The following TTLL5 variants were observed in gnomAD, a reference collection of about 807,000 sequenced individuals.
TTLL5 encodes tubulin polyglutamylase TTLL5.
A neutral mutation model predicts 168.4 loss-of-function variants in TTLL5; 132 were observed. The observed-to-expected ratio is 0.78, with a 90% CI of 0.68 to 0.91. The LOEUF (loss-of-function observed/expected upper bound fraction) is 0.91, where lower values mean the gene tolerates loss of function less well. Ranked by LOEUF, TTLL5 falls within the 40% of genes least tolerant of loss-of-function variation. The pLI, the probability that TTLL5 is intolerant of heterozygous loss-of-function variation, is 0.00. For synonymous variants in TTLL5, 546 were observed against 558.6 expected (o/e 0.98, Z 0.32); for missense variants, 1,545 against 1,581.5 (o/e 0.98, Z 0.39).
At chr14:75,676,297 C>A (rs1884150131) in intron 3 of TTLL5, among the ~76,000 whole-genome samples, 1 of 152,176 alleles carries the variant, frequency 6.6e-6, no homozygotes, top group African/African-American at 2.4e-5. Flanking sequence ...ACCATCATTA[C>A]CAGGTTTCTT....
At chr14:75,724,344 G>C (rs1430395880) in intron 12 of TTLL5, among the ~76,000 whole-genome samples, 1 of 152,126 alleles carries the variant, frequency 6.6e-6, no homozygotes, top group African/African-American at 2.4e-5. Flanking sequence ...GCAAGTCATA[G>C]GTTAGCCTTT....
intron 29 of TTLL5, among the ~76,000 whole-genome samples, chr14:75,880,446 C>T (rs957124153): frequency 5.3e-5 from 8 of 152,168 alleles, no homozygotes; most frequent in Non-Finnish European, 1.0e-4. Context: ...TAACTAACAA[C>T]ATTTTATCCC....
At chr14:75,782,382 C>A in intron 24 of TTLL5, 105 bp from the exon 25 acceptor site, 3 of 860,504 alleles carry the variant, frequency 3.5e-6, no homozygotes, top group Non-Finnish European at 3.5e-6. Context: ...TGTTTCCCAG[C>A]ATTGATTAGC....
intron 1 of TTLL5, chr14:75,661,696 A>G (rs1011871403): frequency 6.6e-6 from 1 of 152,266 alleles, no homozygotes; most frequent in Non-Finnish European, 1.5e-5. Flanking sequence ...CAGGCAGCCT[A>G]GGAGAGGTTG....
chr14:75,754,167 A>C (rs956844872), intron 18 of TTLL5, among the ~76,000 whole-genome samples: 4 of 152,058 alleles, frequency 2.6e-5, no homozygotes, highest in Admixed American at 6.6e-5. Flanking sequence ...TGTTTAATTA[A>C]GTTTTTTATT....
intron 29 of TTLL5, among the ~76,000 whole-genome samples, chr14:75,869,529 G>T (rs931075265): frequency 1.3e-5 from 2 of 152,124 alleles, no homozygotes; most frequent in Non-Finnish European, 2.9e-5. Flanking sequence ...CATATGTCAA[G>T]CACCAAAGTG....
intron 29 of TTLL5, among the ~76,000 whole-genome samples, chr14:75,881,043 C>T (rs1222595403): frequency 1.3e-5 from 2 of 152,112 alleles, no homozygotes; most frequent in African/African-American, 2.4e-5. Flanking sequence ...CCTCTTGGGT[C>T]GCTGGGACTA....
At position 75,707,169 on chromosome 14, in the gene TTLL5, G is replaced by A. The variant is rs972983066; in HGVS notation, c.655+82G>A. On this transcript the variant is annotated intron_variant, in intron 8 of 31. Coordinates refer to ENST00000298832, the MANE Select transcript of TTLL5 (RefSeq NM_015072.5). ...AGCTTTTCATAGCCTTCTCTAGTAA[G>A]TCTTTATTATACTGTTGTGAAATTC... 5.5e-6 allele frequency: 6 copies of A among 1,087,942 alleles called. No homozygotes were observed. The African/African-American group carries it at 7.8e-5, about 14-fold the overall frequency. 67.4% of individuals were successfully genotyped at this position (1,087,942 alleles called of 1,614,324 possible).
chr14:75,851,490 G>A lies in TTLL5; in HGVS notation c.3327-12177G>A, dbSNP rs531801313. 2.4e-4 allele frequency among the ~76,000 whole-genome samples: 36 copies of A among 152,258 alleles called. No individual in the cohort carries two copies. In the South Asian group the frequency reaches 6.0e-3, roughly 25 times the overall value. On this transcript the variant is annotated intron_variant, in intron 28 of 31. Transcript: ENST00000298832. Reference sequence around the variant, plus strand: ...GAAGATTTGGTAATCTTTCTCATTCGTCAGTGCTCACATCCAGTGCCTGAA... The same window carrying A: ...GAAGATTTGGTAATCTTTCTCATTCATCAGTGCTCACATCCAGTGCCTGAA...
intron 29 of TTLL5, among the ~76,000 whole-genome samples, chr14:75,882,025 A>G (rs2031842382): frequency 6.6e-6 from 1 of 152,182 alleles, no homozygotes. Context: ...TGTAACTAGC[A>G]TTTGTATAGT....
At chr14:75,937,081 G>A (rs191814237) in intron 31 of TTLL5, among the ~76,000 whole-genome samples, 3 of 151,512 alleles carry the variant, frequency 2.0e-5, no homozygotes, top group Admixed American at 6.6e-5. Flanking sequence ...AAAATGTGCT[G>A]TTTCAACCAT....
chr14:75,719,051 C>T (rs1230677343), intron 10 of TTLL5, among the ~76,000 whole-genome samples: 1 of 152,176 alleles, frequency 6.6e-6, no homozygotes, highest in African/African-American at 2.4e-5. Flanking sequence ...AGTGAGGGGA[C>T]AGCTGCAAAA....
chr14:75,668,821 TTA>T (rs1320428178), intron 2 of TTLL5, among the ~76,000 whole-genome samples: 1 of 152,196 alleles, frequency 6.6e-6, no homozygotes, highest in Non-Finnish European at 1.5e-5. Flanking sequence ...TTAGGATTCT[TTA>T]TGTGTGCAAA....
chr14:75,761,083 C>T (rs995476026), intron 18 of TTLL5, among the ~76,000 whole-genome samples: 5 of 152,186 alleles, frequency 3.3e-5, no homozygotes, highest in Admixed American at 1.3e-4. Context: ...AATATTTGAA[C>T]AGACACTTCA....
intron 28 of TTLL5, among the ~76,000 whole-genome samples, chr14:75,842,322 A>G (rs1023931759): frequency 9.2e-5 from 14 of 152,162 alleles, no homozygotes; most frequent in African/African-American, 3.4e-4. Context: ...ACTGATGATG[A>G]AATGAGGAGT....
In TTLL5 at chr14:75,670,488, G is replaced by A. The variant is rs76133675; in HGVS notation, c.181+966G>A. On this transcript the variant is annotated intron_variant, in intron 3 of 31. Coordinates refer to ENST00000298832, the MANE Select transcript of TTLL5 (RefSeq NM_015072.5). The stretch of plus-strand genomic sequence containing the variant: ...GGTAATTCTGTGTTTAACTTATTCC[G>A]TGTCAAACTGTTTTCCATAGCAGCT... Among the ~76,000 whole-genome samples the A allele has an allele frequency of 1.5e-4, 23 of 152,236 alleles. No homozygotes were observed. The South Asian group carries it at 2.3e-3, about 15-fold the overall frequency.
intron 30 of TTLL5, among the ~76,000 whole-genome samples, chr14:75,883,425 AT>A (rs2031925448): frequency 6.6e-6 from 1 of 152,214 alleles, no homozygotes; most frequent in African/African-American, 2.4e-5. Context: ...CTAGAAATAG[AT>A]TGGTGAAGAG....
intron 12 of TTLL5, among the ~76,000 whole-genome samples, chr14:75,731,423 A>G (rs1056900513): frequency 9.7e-5 from 14 of 144,282 alleles, no homozygotes; most frequent in Admixed American, 2.1e-4. Context: ...ACACACACAC[A>G]GGACTGTACA....
At chr14:75,695,839 C>T (rs1237683753) in intron 6 of TTLL5, among the ~76,000 whole-genome samples, 1 of 132,716 alleles carries the variant, frequency 7.5e-6, no homozygotes, top group African/African-American at 2.8e-5. Flanking sequence ...CCCTCTCCCA[C>T]TTCCCTCCCC....
Sources: gnomAD v4.1 joint callset for allele counts (sites outside exome capture counted in the v4.1 genomes callset) on GRCh38, gnomAD v4.1.1 for gene constraint, MANE v1.5 for transcripts, NCBI Gene and HGNC (gene_info 2026-07-23, HGNC 2026-07-21) for gene names.